The following ADAMTS17 variants were observed in gnomAD, a reference collection of about 807,000 sequenced individuals.
ADAMTS17 encodes A disintegrin and metalloproteinase with thrombospondin motifs 17.
In ADAMTS17, 113 loss-of-function variants were observed where a neutral mutation model predicts 141.5. That is an observed-to-expected ratio of 0.80 (90% CI 0.69 to 0.93). The LOEUF is 0.93. Among genes scored for constraint, ADAMTS17 ranks in the 40% least tolerant of loss-of-function variants. The pLI, the probability that ADAMTS17 is intolerant of heterozygous loss-of-function variation, is 0.00. For missense variants in ADAMTS17, 1,659 were observed against 1,517.9 expected (o/e 1.09, Z -1.54); for synonymous variants, 768 against 630.6 (o/e 1.22, Z -3.27).
chr15:100,141,329 C>T (rs950517459), intron 10 of ADAMTS17, among the ~76,000 whole-genome samples: 2 of 152,154 alleles, frequency 1.3e-5, no homozygotes, highest in Admixed American at 6.5e-5. Flanking sequence ...CTGTCAAGGA[C>T]TGTGAAGGTC....
intron 3 of ADAMTS17, among the ~76,000 whole-genome samples, chr15:100,310,786 G>A (rs917746583): frequency 6.6e-6 from 1 of 152,174 alleles, no homozygotes; most frequent in East Asian, 1.9e-4. Flanking sequence ...ACGGCAGGGG[G>A]TTTGATCTAC....
chr15:100,231,390 GCTT>G (rs2042476296), intron 7 of ADAMTS17, among the ~76,000 whole-genome samples: 1 of 152,108 alleles, frequency 6.6e-6, no homozygotes, highest in South Asian at 2.1e-4. Flanking sequence ...GTGTGCATAA[GCTT>G]CTTATTTCAT....
chr15:100,154,603 G>A (rs567923337), intron 9 of ADAMTS17, among the ~76,000 whole-genome samples: 18 of 152,286 alleles, frequency 1.2e-4, no homozygotes, highest in African/African-American at 2.2e-4. Flanking sequence ...GACAGGGACC[G>A]GCACCGTCCA....
intron 3 of ADAMTS17, among the ~76,000 whole-genome samples, chr15:100,302,474 G>C (rs534025028): frequency 6.6e-6 from 1 of 152,150 alleles, no homozygotes; most frequent in African/African-American, 2.4e-5. Flanking sequence ...AACTTTTAAA[G>C]AACTTCCAGA....
chr15:100,256,094 T>A (rs1217206045), intron 6 of ADAMTS17, among the ~76,000 whole-genome samples: 1 of 152,246 alleles, frequency 6.6e-6, no homozygotes, highest in Non-Finnish European at 1.5e-5. Flanking sequence ...CCAGGGAACC[T>A]GGCTCTGTTC....
In ADAMTS17 at chr15:100,089,269, A is replaced by G. The variant is rs572812990; in HGVS notation, c.2137+7087T>C. On this transcript the variant is annotated intron_variant, in intron 15 of 21. Transcript: ENST00000268070. The stretch of plus-strand genomic sequence containing the variant: ...ATCACTGGCCATCAGAGAAATGCAA[A>G]TCAAAACCATAATGAGATACCATCT... 9.2e-5 allele frequency among the ~76,000 whole-genome samples: 12 copies of G among 130,470 alleles called. 2 individuals are homozygous for G. The highest frequency in any genetic ancestry group is 1.8e-4 in the Non-Finnish European group (12 of 65,364). The allele number at this position is 130,470 out of a possible 152,430, so 85.6% of individuals were successfully genotyped here.
intron 18 of ADAMTS17, among the ~76,000 whole-genome samples, chr15:100,046,714 C>A (rs571894274): frequency 4.6e-5 from 7 of 152,300 alleles, no homozygotes; most frequent in East Asian, 1.9e-4. Context: ...CCAATCAATA[C>A]CCTTGTGATT....
At chr15:100,015,040 C>T (rs1373743646) in intron 18 of ADAMTS17, among the ~76,000 whole-genome samples, 3 of 152,162 alleles carry the variant, frequency 2.0e-5, no homozygotes, top group Admixed American at 6.5e-5. Context: ...TATTTGGAAG[C>T]TCCAGTGTTA....
chr15:100,105,928 T>C (rs8041256), intron 14 of ADAMTS17, among the ~76,000 whole-genome samples: 47,430 of 152,004 alleles, frequency 0.31, 7,492 homozygotes, highest in East Asian at 0.46. Context: ...TGACCTCCAG[T>C]GATCTGCCCG....
intron 1 of ADAMTS17, 87 bp from the exon 2 acceptor site, chr15:100,341,496 G>GA: frequency 1.0e-6 from 1 of 997,692 alleles, no homozygotes; most frequent in Non-Finnish European, 1.2e-6. Flanking sequence ...CCAGCGCGGG[G>GA]ACAGCGCGAC....
At chr15:100,048,589 ATTTTTTTTTTTTT>A (rs3062438) in intron 18 of ADAMTS17, among the ~76,000 whole-genome samples, 3 of 92,356 alleles carry the variant, frequency 3.2e-5, no homozygotes, top group Non-Finnish European at 6.4e-5. Flanking sequence ...GGTGATGGCC[ATTTTTTTTTTTTT>A]TTTTTTTTTT....
At chr15:100,093,823 C>A (rs1366303944) in intron 15 of ADAMTS17, among the ~76,000 whole-genome samples, 1 of 152,106 alleles carries the variant, frequency 6.6e-6, no homozygotes, top group Non-Finnish European at 1.5e-5. Flanking sequence ...GGGACAATAA[C>A]TTATTTCTGT....
chr15:100,119,855 C>T (rs927785152), intron 12 of ADAMTS17, among the ~76,000 whole-genome samples: 3 of 152,220 alleles, frequency 2.0e-5, no homozygotes, highest in Admixed American at 6.5e-5. Context: ...CTCTGTCCAT[C>T]TTTGAGGCCA....
chr15:100,094,174 C>T (rs139793941), intron 15 of ADAMTS17, among the ~76,000 whole-genome samples: 36 of 152,340 alleles, frequency 2.4e-4, no homozygotes, highest in Admixed American at 5.2e-4. Flanking sequence ...GTGAAGCGAA[C>T]GTGTGCTTAT....
chr15:100,203,828 G>A (rs921050528), intron 7 of ADAMTS17, among the ~76,000 whole-genome samples: 1 of 152,122 alleles, frequency 6.6e-6, no homozygotes, highest in Non-Finnish European at 1.5e-5. Context: ...GAACGCGGGA[G>A]GTAGAGGTTG....
At chr15:100,108,452 G>A (rs2036541241) in intron 14 of ADAMTS17, among the ~76,000 whole-genome samples, 1 of 152,170 alleles carries the variant, frequency 6.6e-6, no homozygotes, top group African/African-American at 2.4e-5. Context: ...GGGATTATAG[G>A]CATGAGCCAC....
At chr15:100,157,275 G>A (rs1312696854) in intron 8 of ADAMTS17, among the ~76,000 whole-genome samples, 3 of 152,164 alleles carry the variant, frequency 2.0e-5, no homozygotes, top group African/African-American at 7.2e-5. Flanking sequence ...AGGTGACATG[G>A]AAGTCCAATT....
At chr15:100,128,745 G>C (rs753409358) in intron 12 of ADAMTS17, 4 of 152,264 alleles carry the variant, frequency 2.6e-5, no homozygotes, top group East Asian at 1.9e-4. Context: ...AGGCCAGCGA[G>C]AGTACGAGAG....
chr15:100,320,743 G>C (rs778976070), intron 3 of ADAMTS17, among the ~76,000 whole-genome samples: 3 of 152,162 alleles, frequency 2.0e-5, no homozygotes, highest in Non-Finnish European at 4.4e-5. Context: ...TAAGGTAGGA[G>C]GATCCCTTAA....
Sources: gnomAD v4.1 joint callset for allele counts (sites outside exome capture counted in the v4.1 genomes callset) on GRCh38, gnomAD v4.1.1 for gene constraint, MANE v1.5 for transcripts, NCBI Gene and HGNC (gene_info 2026-07-23, HGNC 2026-07-21) for gene names.